Variants in SLC22A24 observed in about 807,000 individuals in gnomAD.
SLC22A24 encodes solute carrier family 22 member 24.
Under a neutral mutation model 49.8 loss-of-function variants are expected in SLC22A24, and 53 were observed. That is an observed-to-expected ratio of 1.06 (90% CI 0.85 to 1.34). The LOEUF (loss-of-function observed/expected upper bound fraction) is 1.34, where lower values mean the gene tolerates loss of function less well. SLC22A24 is among the 40% of genes most tolerant of loss of function. The pLI is 0.00. For missense variants in SLC22A24, 786 were observed against 675.9 expected (o/e 1.16, Z -1.81); for synonymous variants, 302 against 256.4 (o/e 1.18, Z -1.70).
chr11:63,081,471 TA>T, intron 8 of SLC22A24, 86 bp downstream of exon 8: 1 of 925,936 alleles, frequency 1.1e-6, no homozygotes, highest in Non-Finnish European at 1.7e-6. Context: ...ATCTGGCACC[TA>T]AACAGTGTCA....
At chr11:63,108,321 C>G (rs1313252194) in intron 4 of SLC22A24, among the ~76,000 whole-genome samples, 2 of 152,138 alleles carry the variant, frequency 1.3e-5, no homozygotes, top group Non-Finnish European at 2.9e-5. Context: ...TGATGTGCTG[C>G]TGGATTCGTT....
chr11:63,095,493 C>T lies in SLC22A24; in HGVS notation c.1070+498G>A, dbSNP rs1046345465. ...ATTCCATTAATATTAAATTCAAGAA[C>T]CAGCAAATGTAATCTGCAGGGATAG... On this transcript the variant is annotated intron_variant, in intron 6 of 9. Transcript: ENST00000612278. Among the ~76,000 whole-genome samples the T allele has an allele frequency of 2.0e-5, 3 of 152,178 alleles. No individual in the cohort carries two copies. In the South Asian group the frequency reaches 6.2e-4, roughly 32 times the overall value.
intron 1 of SLC22A24, 141 bp downstream of exon 1, chr11:63,143,237 G>A: frequency 1.7e-6 from 1 of 578,132 alleles, no homozygotes; most frequent in Non-Finnish European, 2.7e-6. Flanking sequence ...ATAATCAGGT[G>A]CTGCCACCTG....
intron 1 of SLC22A24, 42 bp downstream of exon 1, chr11:63,143,336 A>C: frequency 1.4e-6 from 2 of 1,408,882 alleles, no homozygotes; most frequent in Non-Finnish European, 1.9e-6. Flanking sequence ...AACTCCAAAC[A>C]CTTTAATCAT....
At chr11:63,133,785 T>C (rs1476139640) in intron 2 of SLC22A24, among the ~76,000 whole-genome samples, 1 of 152,028 alleles carries the variant, frequency 6.6e-6, no homozygotes, top group Non-Finnish European at 1.5e-5. Context: ...GGGAGCTATA[T>C]AGGTGCCAGC....
chr11:63,135,580 G>A (rs1354010680), intron 1 of SLC22A24, among the ~76,000 whole-genome samples: 1 of 152,156 alleles, frequency 6.6e-6, no homozygotes, highest in African/African-American at 2.4e-5. Flanking sequence ...ATTTGATATT[G>A]GAATACATTC....
At chr11:63,112,055 G>C (rs996952631) in intron 4 of SLC22A24, among the ~76,000 whole-genome samples, 2 of 151,628 alleles carry the variant, frequency 1.3e-5, no homozygotes, top group Non-Finnish European at 2.9e-5. Context: ...TTGTGTCTTT[G>C]GTCTCGTTGG....
chr11:63,087,489 G>C (rs2086994621), intron 6 of SLC22A24, among the ~76,000 whole-genome samples: 1 of 152,204 alleles, frequency 6.6e-6, no homozygotes, highest in African/African-American at 2.4e-5. Flanking sequence ...CACAAAACTA[G>C]GTGGCTCTTT....
In SLC22A24 at chr11:63,124,909, C is replaced by T. The variant is rs187896779; in HGVS notation, c.507-5574G>A. Among the ~76,000 whole-genome samples, 916 of 149,892 alleles carry T rather than the reference C, an allele frequency of 6.1e-3. 1 individual carries two copies. Among genetic ancestry groups the T allele is most frequent in the Non-Finnish European group, 0.01 (687 of 67,622 alleles). On this transcript the variant is annotated intron_variant, in intron 2 of 9. Transcript: ENST00000612278. Reference sequence around the variant, plus strand: ...ATAGGTGGGAATTGAACAATGAGAACACATGGACACAGGAAGGGGAACATC... The same window carrying T: ...ATAGGTGGGAATTGAACAATGAGAATACATGGACACAGGAAGGGGAACATC...
intron 2 of SLC22A24, among the ~76,000 whole-genome samples, chr11:63,123,420 C>T (rs2087266075): frequency 6.6e-6 from 1 of 151,938 alleles, no homozygotes; most frequent in African/African-American, 2.4e-5. Flanking sequence ...TCTGAGTTAC[C>T]CCTTCCACTT....
Position 63,143,851 on chromosome 11 carries a change from T to G in SLC22A24, c.-72A>C. 1 of 1,234,036 alleles carries G rather than the reference T, an allele frequency of 8.1e-7. No homozygotes were observed. Among genetic ancestry groups the G allele is most frequent in the Non-Finnish European group, 1.0e-6 (1 of 968,948 alleles). The allele number at this position is 1,234,036 out of a possible 1,614,324, so 76.4% of individuals were successfully genotyped here. ...AAGAGAAGTTCAGAGGGAGAAAATG[T>G]CCCCTTTCACAAAGTTACCATAGTG... On this transcript the variant is annotated 5_prime_UTR_variant, in exon 1 of 10. Transcript: ENST00000612278.
intron 5 of SLC22A24, among the ~76,000 whole-genome samples, chr11:63,098,966 A>G (rs536516820): frequency 1.6e-4 from 24 of 152,270 alleles, no homozygotes; most frequent in African/African-American, 4.6e-4. Flanking sequence ...AAGGGTTATT[A>G]AAGGCTGGTA....
At chr11:63,128,033 T>A (rs933459200) in intron 2 of SLC22A24, among the ~76,000 whole-genome samples, 4 of 151,486 alleles carry the variant, frequency 2.6e-5, no homozygotes, top group Non-Finnish European at 5.9e-5. Context: ...GCTGTTCCAG[T>A]ATAATAAAGA....
At chr11:63,080,875 A>T in intron 9 of SLC22A24, 45 bp downstream of exon 9, 2 of 1,495,792 alleles carry the variant, frequency 1.3e-6, no homozygotes, top group Non-Finnish European at 1.8e-6. Context: ...CAGCTACAGC[A>T]CATAGCCACT....
chr11:63,136,041 G>A (rs959962835), intron 1 of SLC22A24, among the ~76,000 whole-genome samples: 3 of 152,208 alleles, frequency 2.0e-5, no homozygotes, highest in African/African-American at 7.2e-5. Context: ...GAAAAAGCTC[G>A]ATAAGTGGGT....
In SLC22A24 at chr11:63,119,071, C is replaced by T; in HGVS notation, c.671G>A (p.Trp224Ter). 9 of 1,546,834 alleles carry T rather than the reference C, an allele frequency of 5.8e-6. No homozygotes were observed. The highest frequency in any genetic ancestry group is 7.9e-6 in the Non-Finnish European group (9 of 1,143,818). The change falls in exon 4 of 10, where the codon TGG becomes TAG. Residue 224 changes from tryptophan (W) to a stop codon, truncating the protein, a stop_gained. Coordinates refer to ENST00000612278, the MANE Select transcript of SLC22A24 (RefSeq NM_001136506.2). LOFTEE classifies it high-confidence loss of function. Reference protein sequence around the residue: ...LGNTFILSLEWTLPRSRSMTI... With the variant: ...LGNTFILSLE Reference sequence around the variant, plus strand: ...CATAGATCGTGACCGGGGCAATGTCCACTCTAAGCCTGGAAGAAAACATAT... The same window carrying T: ...CATAGATCGTGACCGGGGCAATGTCTACTCTAAGCCTGGAAGAAAACATAT...
intron 1 of SLC22A24, among the ~76,000 whole-genome samples, chr11:63,141,583 G>C (rs980502386): frequency 6.6e-6 from 1 of 152,174 alleles, no homozygotes; most frequent in Non-Finnish European, 1.5e-5. Context: ...TTCCTGACCT[G>C]TGTTAAGTAA....
chr11:63,113,807 T>C (rs1289398251), intron 4 of SLC22A24, among the ~76,000 whole-genome samples: 1 of 150,502 alleles, frequency 6.6e-6, no homozygotes, highest in Non-Finnish European at 1.5e-5. Context: ...TGAGCCAAAA[T>C]TGTGCCACTA....
intron 6 of SLC22A24, among the ~76,000 whole-genome samples, chr11:63,084,601 G>T (rs555910443): frequency 6.6e-6 from 1 of 152,044 alleles, no homozygotes; most frequent in Non-Finnish European, 1.5e-5. Context: ...TTACATAAAG[G>T]CACCCAGGGA....
Sources: allele counts gnomAD v4.1 joint callset (sites outside exome capture counted in the v4.1 genomes callset), GRCh38; gene constraint gnomAD v4.1.1; transcripts MANE v1.5; gene names NCBI Gene and HGNC (gene_info 2026-07-23, HGNC 2026-07-21).